DSG1: variants seen among roughly 807,000 people sequenced by gnomAD.
DSG1 encodes the protein desmoglein 1, also known as desmoglein-1.
DSG1 carries 39 observed loss-of-function variants against 97.5 expected under a neutral mutation model. That is an observed-to-expected ratio of 0.40 (90% CI 0.31 to 0.52). DSG1 has a LOEUF of 0.52. Among genes scored for constraint, DSG1 ranks in the 20% least tolerant of loss-of-function variants. DSG1 has a pLI of 0.53. For missense variants in DSG1, 1,311 were observed against 1,295.4 expected, an observed-to-expected ratio of 1.01 and a Z score of -0.18; for synonymous variants, 475 against 443.4, an observed-to-expected ratio of 1.07 and a Z score of -0.90.
Position 31,355,303 on chromosome 18 carries a change from G to C in DSG1, c.3107G>C (p.Arg1036Pro), listed in dbSNP as rs778003137. The C allele has an allele frequency of 6.2e-7, 1 of 1,614,158 alleles. No homozygotes were observed. The highest frequency in any genetic ancestry group is 8.5e-7 in the Non-Finnish European group (1 of 1,180,020). Residue 1036 changes from arginine to proline, a missense_variant, in exon 15 of 15, where the codon CGA becomes CCA. Arg to Pro is a moderately radical substitution (Grantham distance 103). This residue lies in a region of DSG1 where 1,038 missense variants were observed against 964.6 expected (regional missense o/e 1.08). Transcript: ENST00000257192. Reference sequence around the variant, plus strand: ...GGGTCCGCCTCCCCTAGCACAGCTCGAAGTCGAATCACAAAGTATAGTACC... The same window carrying C: ...GGGTCCGCCTCCCCTAGCACAGCTCCAAGTCGAATCACAAAGTATAGTACC... ...TIGSASPSTA[R>P]SRITKYSTVQ...
intron 14 of DSG1, among the ~76,000 whole-genome samples, chr18:31,350,566 T>G (rs1414759449): frequency 3.3e-5 from 5 of 149,678 alleles, no homozygotes; most frequent in African/African-American, 1.0e-4. Flanking sequence ...CTTGTACCTC[T>G]GGTAGAATTC....
In DSG1 at chr18:31,339,471, C is replaced by T. The variant is rs114033658; in HGVS notation, c.1406-273C>T. ...CTTCTTTCTGTAATTCTATACTTTT[C>T]AAATTATATATAATATCCAACTATT... On this transcript the variant is annotated intron_variant, in intron 10 of 14. Coordinates refer to ENST00000257192, the MANE Select transcript of DSG1 (RefSeq NM_001942.4). Among the ~76,000 whole-genome samples the T allele has an allele frequency of 0.056, 8,467 of 151,774 alleles. 291 individuals carry two copies. The highest frequency in any genetic ancestry group is 0.093 in the African/African-American group (3,853 of 41,428).
intron 11 of DSG1, among the ~76,000 whole-genome samples, chr18:31,340,573 G>GA (rs1251641236): frequency 1.3e-5 from 2 of 149,544 alleles, no homozygotes; most frequent in African/African-American, 2.5e-5. Context: ...AAAAAGAAAA[G>GA]AAAAGGCTAC....
At position 31,357,290 on chromosome 18, in the gene DSG1, G is replaced by C. The variant is rs1185914850; in HGVS notation, c.*1944G>C. Among the ~76,000 whole-genome samples the C allele has an allele frequency of 6.6e-6, 1 of 152,008 alleles. No individual in the cohort carries two copies. Among genetic ancestry groups the C allele is most frequent in the African/African-American group, 2.4e-5 (1 of 41,416 alleles). The stretch of plus-strand genomic sequence containing the variant: ...TGCTAAATGCAGAAGTATAAATAAA[G>C]TCATTCAAAGGGAGTCTTTTCTTTT... On this transcript the variant is annotated 3_prime_UTR_variant, in exon 15 of 15. Coordinates refer to ENST00000257192, the MANE Select transcript of DSG1 (RefSeq NM_001942.4).
chr18:31,324,273 C>T (rs1180281610), intron 1 of DSG1, among the ~76,000 whole-genome samples: 1 of 143,720 alleles, frequency 7.0e-6, no homozygotes, highest in Non-Finnish European at 1.5e-5. Context: ...TGAGCCACAG[C>T]GCCCGGCCCT....
chr18:31,322,099 G>A (rs1304536045), intron 1 of DSG1, among the ~76,000 whole-genome samples: 2 of 152,176 alleles, frequency 1.3e-5, no homozygotes, highest in Admixed American at 1.3e-4. Flanking sequence ...ATGAGAATAG[G>A]CCACAGTTTT....
At chr18:31,329,302 C>A (rs1347630778) in intron 4 of DSG1, among the ~76,000 whole-genome samples, 1 of 151,966 alleles carries the variant, frequency 6.6e-6, no homozygotes, top group African/African-American at 2.4e-5. Context: ...GCTCCTGTTA[C>A]CTCTTCTATT....
intron 8 of DSG1, among the ~76,000 whole-genome samples, chr18:31,335,496 T>A (rs1476552836): frequency 6.6e-6 from 1 of 151,932 alleles, no homozygotes; most frequent in African/African-American, 2.4e-5. Context: ...ATATATTAAA[T>A]CCTTTGTTAT....
intron 13 of DSG1, 41 bp downstream of exon 13, chr18:31,344,036 T>C: frequency 7.4e-7 from 1 of 1,355,954 alleles, no homozygotes; most frequent in Non-Finnish European, 1.1e-6. Flanking sequence ...AATGCTTAAG[T>C]AGGAAGTCTA....
chr18:31,330,474 C>A (rs895163854), intron 5 of DSG1, among the ~76,000 whole-genome samples: 10 of 151,942 alleles, frequency 6.6e-5, no homozygotes, highest in African/African-American at 1.7e-4. Context: ...TGTGATTTAA[C>A]CTTTAAGTGA....
At chr18:31,335,715 T>C (rs762899421) in intron 8 of DSG1, among the ~76,000 whole-genome samples, 63 of 151,842 alleles carry the variant, frequency 4.1e-4, no homozygotes, top group Middle Eastern at 3.5e-3. Flanking sequence ...ATGGGCCTAA[T>C]GGCATAATTG....
rs532374083 is a variant in DSG1 at position 31,338,769 on chromosome 18, T to A, written c.1405+315T>A. Among the ~76,000 whole-genome samples, 3 of 152,168 alleles carry A rather than the reference T, an allele frequency of 2.0e-5. No homozygotes were observed. In the South Asian group the frequency reaches 6.2e-4, roughly 31 times the overall value. ...CAATAACAATATATGTTTAGAAGGATGTGATGATAATGATAAAAATAGCAA... is the reference window on the plus strand; with the variant it reads ...CAATAACAATATATGTTTAGAAGGAAGTGATGATAATGATAAAAATAGCAA... On this transcript the variant is annotated intron_variant, in intron 10 of 14. Transcript: ENST00000257192.
rs772826593 is a variant in DSG1 at position 31,358,554 on chromosome 18, T to C, written c.*3208T>C. Among the ~76,000 whole-genome samples, 16 of 152,064 alleles carry C rather than the reference T, an allele frequency of 1.1e-4. No homozygotes were observed. The highest frequency in any genetic ancestry group is 3.6e-4 in the African/African-American group (15 of 41,460). On this transcript the variant is annotated 3_prime_UTR_variant, in exon 15 of 15. Coordinates refer to ENST00000257192, the MANE Select transcript of DSG1 (RefSeq NM_001942.4). ...TACTCTAGTAAGTAGATGTTTTTAG[T>C]TATCTGGCAATTTATTTCTGAATTT...
rs1323270977 is a variant in DSG1 at position 31,343,378 on chromosome 18, A to G, written c.1688-72A>G. ...ATATTACGAATTCAAATTTAACCAT[A>G]AAAAATCAGGTTGTTTTGTTTTTTA... is the stretch of plus-strand genomic sequence containing the variant. On this transcript the variant is annotated intron_variant, in intron 11 of 14. Transcript: ENST00000257192. 110 of 1,596,466 alleles carry G rather than the reference A, an allele frequency of 6.9e-5. 1 individual carries two copies. Among genetic ancestry groups the G allele is most frequent in the Non-Finnish European group, 4.3e-6 (5 of 1,165,080 alleles).
chr18:31,321,322 G>A (rs973029121), intron 1 of DSG1, among the ~76,000 whole-genome samples: 33 of 152,184 alleles, frequency 2.2e-4, no homozygotes, highest in African/African-American at 7.9e-4. Context: ...CCTAAAGCAA[G>A]AGAAGAACTA....
At chr18:31,338,689 T>A (rs1453090512) in intron 10 of DSG1, among the ~76,000 whole-genome samples, 1 of 152,190 alleles carries the variant, frequency 6.6e-6, no homozygotes. Flanking sequence ...AGCTATAGAA[T>A]CTTAGAGAAG....
chr18:31,344,421 A>C (rs1043915610), intron 13 of DSG1, among the ~76,000 whole-genome samples: 10 of 152,214 alleles, frequency 6.6e-5, no homozygotes, highest in African/African-American at 2.4e-4. Flanking sequence ...TGAGGCTAAA[A>C]TCTTTATACA....
intron 14 of DSG1, 36 bp from the exon 15 acceptor site, chr18:31,354,261 T>C: frequency 6.4e-7 from 1 of 1,573,920 alleles, no homozygotes; most frequent in Non-Finnish European, 8.7e-7. Context: ...AAATATGCAT[T>C]CATAATTTCA....
Position 31,345,995 on chromosome 18 carries a change from T to G in DSG1, c.1897T>G (p.Tyr633Asp). 1 of 1,613,288 alleles carries G rather than the reference T, an allele frequency of 6.2e-7. No individual in the cohort carries two copies. The highest frequency in any genetic ancestry group is 8.5e-7 in the Non-Finnish European group (1 of 1,179,392). Residue 633 changes from tyrosine to aspartate, a missense_variant, in exon 14 of 15, where the codon TAT (tyrosine) becomes GAT (aspartate). Physicochemically the swap from Tyr to Asp is radical, Grantham distance 160. Around this residue, in one of 3 missense-constraint regions of DSG1, gnomAD observed 1,038 missense variants for 964.6 expected, o/e 1.08. Transcript: ENST00000257192. The stretch of plus-strand genomic sequence containing the variant: ...AATTTGATCAACACTTTTAGGAGTT[T>G]ATACAAATGAGTATGGTGGCAGAGA... ...IIECIDNSGV[Y>D]TNEYGGREMQ...
Sources: gnomAD v4.1 joint callset for allele counts (sites outside exome capture counted in the v4.1 genomes callset) on GRCh38, gnomAD v4.1.1 for gene constraint, gnomAD v4.1.1 regional missense constraint, MANE v1.5 for transcripts, NCBI Gene and HGNC (gene_info 2026-07-23, HGNC 2026-07-21) for gene names.